The following ALDH1A2 variants were observed in gnomAD, a reference collection of about 807,000 sequenced individuals.
ALDH1A2 encodes retinal dehydrogenase 2.
ALDH1A2 carries 27 observed loss-of-function variants against 60.3 expected under a neutral mutation model. The observed-to-expected ratio is 0.45, with a 90% CI of 0.33 to 0.62. ALDH1A2 has a LOEUF of 0.62. Among genes scored for constraint, ALDH1A2 ranks in the 20% least tolerant of loss-of-function variants. The pLI, the probability that ALDH1A2 is intolerant of heterozygous loss-of-function variation, is 0.02. For missense variants in ALDH1A2, 581 were observed against 643.8 expected (o/e 0.90, Z 1.06); for synonymous variants, 289 against 232.4 (o/e 1.24, Z -2.21).
chr15:58,058,148 T>G lies in ALDH1A2; in HGVS notation c.117+7386A>C, dbSNP rs1351273193. ...CTTTCAGTTGTTCTCCATAAATTCATACAGGCATTTCATAATTTCACCTTC... is the reference window on the plus strand; with the variant it reads ...CTTTCAGTTGTTCTCCATAAATTCAGACAGGCATTTCATAATTTCACCTTC... On this transcript the variant is annotated intron_variant, in intron 1 of 12. Coordinates refer to ENST00000249750, the MANE Select transcript of ALDH1A2 (RefSeq NM_003888.4). The G allele has an allele frequency of 2.2e-6, 3 of 1,338,130 alleles. No homozygotes were observed. The South Asian group carries it at 3.8e-5, about 17-fold the overall frequency. The allele number at this position is 1,338,130 out of a possible 1,614,324, so 82.9% of individuals were successfully genotyped here.
intron 1 of ALDH1A2, among the ~76,000 whole-genome samples, chr15:58,031,610 A>G (rs571921977): frequency 5.4e-4 from 82 of 152,312 alleles, no homozygotes; most frequent in African/African-American, 1.8e-3. Flanking sequence ...TTTTCAATCT[A>G]CCCATCTGAC....
At chr15:57,965,673 G>A (rs556367171) in intron 8 of ALDH1A2, 52 bp downstream of exon 8, 2 of 1,281,526 alleles carry the variant, frequency 1.6e-6, no homozygotes, top group African/African-American at 1.5e-5. Flanking sequence ...ATATAAAAGA[G>A]AGCACCAAAG....
intron 12 of ALDH1A2, among the ~76,000 whole-genome samples, chr15:57,956,332 T>C (rs1416515670): frequency 6.6e-6 from 1 of 152,186 alleles, no homozygotes; most frequent in Non-Finnish European, 1.5e-5. Context: ...TATTTGAATA[T>C]GAAACAATTA....
intron 12 of ALDH1A2, 77 bp downstream of exon 12, chr15:57,960,693 A>C: frequency 2.3e-6 from 3 of 1,277,504 alleles, no homozygotes; most frequent in Non-Finnish European, 3.4e-6. Context: ...AAGATAATTA[A>C]ACTATTTTTT....
rs145711394 is a variant in ALDH1A2, at chr15:58,037,927, C to G, written c.118-23646G>C. 5.3e-3 allele frequency among the ~76,000 whole-genome samples: 800 copies of G among 151,744 alleles called. 2 individuals carry two copies. Among genetic ancestry groups the G allele is most frequent in the Non-Finnish European group, 8.5e-3 (574 of 67,736 alleles). On this transcript the variant is annotated intron_variant, in intron 1 of 12. Coordinates refer to ENST00000249750, the MANE Select transcript of ALDH1A2 (RefSeq NM_003888.4). Reference sequence around the variant, plus strand: ...TTGTGTTTTTTTTAGTAACACACATCGTAATCTATCTCCCTTGAGATTAAT... The same window carrying G: ...TTGTGTTTTTTTTAGTAACACACATGGTAATCTATCTCCCTTGAGATTAAT...
intron 4 of ALDH1A2, among the ~76,000 whole-genome samples, chr15:58,001,574 C>T (rs1289551900): frequency 6.6e-6 from 1 of 151,878 alleles, no homozygotes; most frequent in Non-Finnish European, 1.5e-5. Flanking sequence ...CTCATCTATA[C>T]CTCAGATGAT....
intron 7 of ALDH1A2, among the ~76,000 whole-genome samples, chr15:57,971,603 T>C (rs779822607): frequency 2.7e-4 from 41 of 151,570 alleles, no homozygotes; most frequent in Non-Finnish European, 4.6e-4. Flanking sequence ...AAAAAAAAAA[T>C]TGGTACAGAC....
intron 1 of ALDH1A2, among the ~76,000 whole-genome samples, chr15:58,032,409 G>A (rs1449436580): frequency 6.6e-6 from 1 of 152,162 alleles, no homozygotes; most frequent in Non-Finnish European, 1.5e-5. Flanking sequence ...AATGTTAAAT[G>A]AGTAGTTAAT....
At chr15:58,001,716 A>C (rs1429792515) in intron 4 of ALDH1A2, among the ~76,000 whole-genome samples, 1 of 151,678 alleles carries the variant, frequency 6.6e-6, no homozygotes, top group African/African-American at 2.4e-5. Flanking sequence ...TTTGTGCTGT[A>C]AGCTCAACAG....
At chr15:58,018,354 A>C (rs1439309220) in intron 1 of ALDH1A2, among the ~76,000 whole-genome samples, 1 of 152,146 alleles carries the variant, frequency 6.6e-6, no homozygotes, top group African/African-American at 2.4e-5. Flanking sequence ...TAAATAAATA[A>C]ATGTGGGATA....
At chr15:57,981,506 T>C (rs1413362597) in intron 7 of ALDH1A2, among the ~76,000 whole-genome samples, 1 of 152,248 alleles carries the variant, frequency 6.6e-6, no homozygotes, top group African/African-American at 2.4e-5. Context: ...TCTTACTATA[T>C]GCCAAGCAAT....
At chr15:58,037,955 G>C (rs1896419537) in intron 1 of ALDH1A2, among the ~76,000 whole-genome samples, 1 of 151,586 alleles carries the variant, frequency 6.6e-6, no homozygotes, top group South Asian at 2.1e-4. Context: ...AGATTAATGT[G>C]TCTCTGTCCA....
intron 4 of ALDH1A2, among the ~76,000 whole-genome samples, chr15:58,003,764 A>G (rs1174014577): frequency 1.3e-5 from 2 of 151,960 alleles, no homozygotes; most frequent in Non-Finnish European, 2.9e-5. Context: ...GGAGAAAACA[A>G]TACTTTTCTT....
chr15:57,962,195 A>G lies in ALDH1A2; in HGVS notation c.1087-19T>C. 6.2e-7 allele frequency: 1 copy of G among 1,610,590 alleles called. No homozygotes were observed. On this transcript the variant is annotated intron_variant, in intron 9 of 12. Coordinates refer to ENST00000249750, the MANE Select transcript of ALDH1A2 (RefSeq NM_003888.4). The stretch of plus-strand genomic sequence containing the variant: ...TATCAATCTGTGGGAGACAAGACTT[A>G]ATGACTCCAAATATAACCTTCTATG...
chr15:57,987,861 C>T (rs377352754), intron 7 of ALDH1A2, among the ~76,000 whole-genome samples: 10 of 135,796 alleles, frequency 7.4e-5, no homozygotes, highest in Admixed American at 3.3e-4. Flanking sequence ...CCAGCCTGAG[C>T]GACAGTGAGG....
At chr15:58,012,379 G>C (rs1347105911) in intron 3 of ALDH1A2, among the ~76,000 whole-genome samples, 1 of 151,998 alleles carries the variant, frequency 6.6e-6, no homozygotes, top group Non-Finnish European at 1.5e-5. Flanking sequence ...TAAAATACAA[G>C]TTTAATTCTC....
At chr15:57,959,923 G>T (rs1337269552) in intron 12 of ALDH1A2, among the ~76,000 whole-genome samples, 1 of 151,860 alleles carries the variant, frequency 6.6e-6, no homozygotes, top group Non-Finnish European at 1.5e-5. Context: ...TATTTTTCCC[G>T]CAATACCTTT....
intron 1 of ALDH1A2, among the ~76,000 whole-genome samples, chr15:58,040,772 A>T (rs1449685507): frequency 2.6e-5 from 4 of 151,966 alleles, no homozygotes. Context: ...GCAAGAGAAT[A>T]ATAATAAATG....
At chr15:57,956,670 C>T (rs756638241) in intron 12 of ALDH1A2, among the ~76,000 whole-genome samples, 3 of 152,230 alleles carry the variant, frequency 2.0e-5, no homozygotes, top group South Asian at 2.1e-4. Flanking sequence ...CACTCAGTCT[C>T]GGAGTCTCTT....
Sources: gnomAD v4.1 joint callset for allele counts (sites outside exome capture counted in the v4.1 genomes callset) on GRCh38, gnomAD v4.1.1 for gene constraint, MANE v1.5 for transcripts, NCBI Gene and HGNC (gene_info 2026-07-23, HGNC 2026-07-21) for gene names.